Variants in WWP1 observed in about 807,000 individuals in gnomAD.
WWP1 encodes WW domain containing E3 ubiquitin protein ligase 1.
A neutral mutation model predicts 130.6 loss-of-function variants in WWP1; 49 were observed. The ratio of observed to expected loss-of-function variants is 0.38; its 90% confidence interval spans 0.30 to 0.48. The LOEUF is 0.48. Ranked by LOEUF, WWP1 falls within the 20% of genes least tolerant of loss-of-function variation. The pLI is 0.99. For missense variants in WWP1, 809 were observed against 1,100.6 expected (o/e 0.74, Z 3.75); for synonymous variants, 332 against 367.8 (o/e 0.90, Z 1.11).
intron 21 of WWP1, among the ~76,000 whole-genome samples, chr8:86,456,186 A>G (rs571184174): frequency 1.6e-4 from 25 of 152,084 alleles, no homozygotes; most frequent in African/African-American, 6.0e-4. Flanking sequence ...AAAGTGAAAA[A>G]CATAAGAGAA....
intron 24 of WWP1, 68 bp downstream of exon 24, chr8:86,461,914 A>T (rs76671564): frequency 3.9e-5 from 52 of 1,323,766 alleles, no homozygotes; most frequent in Non-Finnish European, 5.2e-5. Context: ...TTTTTTAAAA[A>T]TATGTAAGAT....
intron 5 of WWP1, among the ~76,000 whole-genome samples, chr8:86,382,150 CA>C (rs1052707763): frequency 1.2e-4 from 19 of 152,210 alleles, no homozygotes; most frequent in African/African-American, 4.1e-4. Flanking sequence ...TTCATAGACA[CA>C]AACATATTTC....
chr8:86,440,509 C>G (rs1346776630), intron 17 of WWP1: 1 of 316,634 alleles, frequency 3.2e-6, no homozygotes, highest in Non-Finnish European at 6.1e-6. Context: ...AATGTTAGTA[C>G]TGTGAAGTGT....
intron 8 of WWP1, among the ~76,000 whole-genome samples, chr8:86,409,614 C>T (rs1428323753): frequency 6.6e-6 from 1 of 151,348 alleles, no homozygotes; most frequent in Non-Finnish European, 1.5e-5. Flanking sequence ...AATCCCAGAA[C>T]TTTGGGAGGC....
intron 24 of WWP1, among the ~76,000 whole-genome samples, chr8:86,466,551 T>TA (rs1812160037): frequency 3.3e-5 from 5 of 151,674 alleles, no homozygotes; most frequent in African/African-American, 9.7e-5. Flanking sequence ...TTTTTTTTTT[T>TA]TAAATTTGTC....
chr8:86,359,807 T>C (rs1823465699), intron 1 of WWP1, among the ~76,000 whole-genome samples: 1 of 152,022 alleles, frequency 6.6e-6, no homozygotes, highest in African/African-American at 2.4e-5. Flanking sequence ...CCCAGCACTT[T>C]GGGAGGCGGA....
chr8:86,400,255 C>G (rs1399203594), intron 7 of WWP1, among the ~76,000 whole-genome samples: 2 of 151,800 alleles, frequency 1.3e-5, no homozygotes, highest in Non-Finnish European at 2.9e-5. Flanking sequence ...TTGCTTGAAC[C>G]CGGGAGGCGG....
chr8:86,435,780 AG>A (rs2130699072), intron 16 of WWP1, 76 bp downstream of exon 16: 7 of 1,476,090 alleles, frequency 4.7e-6, no homozygotes, highest in Non-Finnish European at 6.5e-6. Flanking sequence ...TCAGGGTTTT[AG>A]AGATTTTTAA....
Position 86,452,541 on chromosome 8 carries a change from T to C in WWP1, c.2274-18T>C. The C allele has an allele frequency of 2.5e-6, 4 of 1,584,062 alleles. No individual in the cohort carries two copies. Among genetic ancestry groups the C allele is most frequent in the Non-Finnish European group, 2.6e-6 (3 of 1,167,056 alleles). On this transcript the variant is annotated intron_variant, in intron 20 of 24. Transcript: ENST00000517970. ...CACATATAAATTACCTATTTTTAAA[T>C]ACCATCTTTATTTTCAGTTTAATGA...
In WWP1 at chr8:86,394,667, A is replaced by G. The variant is rs58220740; in HGVS notation, c.335-3675A>G. Among the ~76,000 whole-genome samples the G allele has an allele frequency of 4.3e-3, 653 of 152,258 alleles. 6 individuals carry two copies. Among genetic ancestry groups the G allele is most frequent in the African/African-American group, 0.015 (613 of 41,526 alleles). On this transcript the variant is annotated intron_variant, in intron 5 of 24. Coordinates refer to ENST00000517970, the MANE Select transcript of WWP1 (RefSeq NM_007013.4). ...ACTCAAATATTGAATGGATAAATACATCGGAGTTGGTTTGTTTATACTGTG... is the reference window on the plus strand; with the variant it reads ...ACTCAAATATTGAATGGATAAATACGTCGGAGTTGGTTTGTTTATACTGTG...
intron 5 of WWP1, among the ~76,000 whole-genome samples, chr8:86,397,849 G>A (rs1438045729): frequency 2.0e-5 from 3 of 152,210 alleles, no homozygotes; most frequent in Non-Finnish European, 4.4e-5. Flanking sequence ...TGCTAGGGCT[G>A]TCTGTATGGT....
In WWP1 at chr8:86,410,390, A is replaced by G. The variant is rs564009232; in HGVS notation, c.725-1148A>G. ...TTCTTTCCCTTGAGTTAGTTTAGCT[A>G]ATTTCAAACTCATTGATATGAAATT... is the stretch of plus-strand genomic sequence containing the variant. On this transcript the variant is annotated intron_variant, in intron 8 of 24. Transcript: ENST00000517970. Among the ~76,000 whole-genome samples the G allele has an allele frequency of 3.7e-4, 57 of 152,254 alleles. No homozygotes were observed. The South Asian group carries it at 0.011, about 29-fold the overall frequency.
intron 9 of WWP1, among the ~76,000 whole-genome samples, chr8:86,414,226 TCTG>T (rs955766594): frequency 1.4e-5 from 1 of 74,022 alleles, no homozygotes; most frequent in African/African-American, 7.3e-5. Flanking sequence ...AGTTTGTTTT[TCTG>T]TGTGTGTGTG....
At chr8:86,446,605 C>T (rs1483096143) in intron 18 of WWP1, among the ~76,000 whole-genome samples, 3 of 152,084 alleles carry the variant, frequency 2.0e-5, no homozygotes, top group African/African-American at 7.2e-5. Context: ...TTAGGTCTTA[C>T]ATTTAAGTAT....
At chr8:86,457,713 A>G (rs113038834) in intron 21 of WWP1, among the ~76,000 whole-genome samples, 1 of 152,178 alleles carries the variant, frequency 6.6e-6, no homozygotes, top group Non-Finnish European at 1.5e-5. Context: ...TTTGAGTTCA[A>G]TAAACATGGG....
intron 7 of WWP1, among the ~76,000 whole-genome samples, chr8:86,399,666 T>A (rs1435194935): frequency 6.6e-6 from 1 of 152,138 alleles, no homozygotes; most frequent in East Asian, 1.9e-4. Flanking sequence ...TTTAAAAAAA[T>A]TTAGATGGAT....
chr8:86,408,078 G>A (rs1808380090), intron 8 of WWP1, among the ~76,000 whole-genome samples: 1 of 152,154 alleles, frequency 6.6e-6, no homozygotes, highest in Non-Finnish European at 1.5e-5. Flanking sequence ...CTTTGCAACA[G>A]CTGTTTTTAA....
chr8:86,355,793 G>A (rs373257572), intron 1 of WWP1, among the ~76,000 whole-genome samples: 2 of 152,190 alleles, frequency 1.3e-5, no homozygotes, highest in Non-Finnish European at 2.9e-5. Context: ...ACCACCTGAC[G>A]TAAGCTTTAG....
intron 9 of WWP1, among the ~76,000 whole-genome samples, chr8:86,422,323 T>TATG (rs769712215): frequency 0.026 from 1,813 of 69,542 alleles, 45 homozygotes; most frequent in African/African-American, 0.052. Flanking sequence ...CAGTTTGTAT[T>TATG]TATTTATTTA....
Sources: allele counts gnomAD v4.1 joint callset (sites outside exome capture counted in the v4.1 genomes callset), GRCh38; gene constraint gnomAD v4.1.1; transcripts MANE v1.5; gene names NCBI Gene and HGNC (gene_info 2026-07-23, HGNC 2026-07-21).